TUSC3: variants seen among roughly 807,000 people sequenced by gnomAD.
TUSC3 encodes the protein tumor suppressor candidate 3.
TUSC3 carries 45 observed loss-of-function variants against 44.8 expected under a neutral mutation model. That is an observed-to-expected ratio of 1.00 (90% CI 0.79 to 1.29). TUSC3 has a LOEUF of 1.29. Among genes scored for constraint, TUSC3 ranks in the 50% most tolerant of loss-of-function variants. The pLI is 0.00. For missense variants in TUSC3, 519 were observed against 437.9 expected (o/e 1.19, Z -1.65); for synonymous variants, 212 against 152.9 (o/e 1.39, Z -2.85).
chr8:15,751,161 T>C (rs1380319243), intron 9 of TUSC3, among the ~76,000 whole-genome samples: 2 of 152,144 alleles, frequency 1.3e-5, no homozygotes, highest in African/African-American at 4.8e-5. Flanking sequence ...GTTAGGCAAC[T>C]TTAGATTCAA....
chr8:15,791,977 G>A, the TUSC3 span, among the ~76,000 whole-genome samples: 3 of 152,026 alleles, frequency 2.0e-5, no homozygotes, highest in South Asian at 2.1e-4. Context: ...TTAAAGGAGC[G>A]TTCAAGACAT....
intron 1 of TUSC3, among the ~76,000 whole-genome samples, chr8:15,434,668 C>G (rs1177569019): frequency 1.3e-5 from 2 of 151,756 alleles, no homozygotes; most frequent in Non-Finnish European, 2.9e-5. Flanking sequence ...TCTCCTAATG[C>G]TATCCCTCCC....
chr8:15,454,891 C>T (rs1486146956), intron 1 of TUSC3, among the ~76,000 whole-genome samples: 2 of 150,252 alleles, frequency 1.3e-5, no homozygotes, highest in Admixed American at 6.6e-5. Context: ...TCCAAGTTCA[C>T]GTAAAGTATA....
At chr8:15,548,085 C>G (rs886182695) in intron 1 of TUSC3, among the ~76,000 whole-genome samples, 1 of 151,608 alleles carries the variant, frequency 6.6e-6, no homozygotes, top group African/African-American at 2.4e-5. Context: ...CATGCTGGAA[C>G]TCTGATCTTG....
At chr8:15,712,767 G>A (rs538211019) in intron 6 of TUSC3, among the ~76,000 whole-genome samples, 1 of 152,178 alleles carries the variant, frequency 6.6e-6, no homozygotes, top group African/African-American at 2.4e-5. Flanking sequence ...TTTCTCACCT[G>A]CACACCTTTA....
intron 1 of TUSC3, among the ~76,000 whole-genome samples, chr8:15,589,936 T>G (rs937780271): frequency 3.9e-5 from 6 of 152,216 alleles, no homozygotes; most frequent in African/African-American, 1.4e-4. Flanking sequence ...CAACTTCAGC[T>G]TAACTTAATG....
At chr8:15,814,450 T>C in the TUSC3 span, among the ~76,000 whole-genome samples, 1 of 152,200 alleles carries the variant, frequency 6.6e-6, no homozygotes, top group South Asian at 2.1e-4. Flanking sequence ...CATAGATGCC[T>C]GATTTTAAGC....
intron 1 of TUSC3, among the ~76,000 whole-genome samples, chr8:15,549,844 C>G (rs1053322148): frequency 3.3e-5 from 5 of 151,510 alleles, no homozygotes; most frequent in Non-Finnish European, 7.4e-5. Flanking sequence ...GATGGTGTAG[C>G]AGGACGAGCC....
chr8:15,652,812 A>G (rs1158613325), intron 3 of TUSC3, among the ~76,000 whole-genome samples: 4 of 152,186 alleles, frequency 2.6e-5, no homozygotes, highest in African/African-American at 4.8e-5. Flanking sequence ...CTGCTAGAGC[A>G]CAGTCTTGAG....
chr8:15,633,673 A>C (rs912896264), intron 2 of TUSC3, among the ~76,000 whole-genome samples: 1 of 152,192 alleles, frequency 6.6e-6, no homozygotes, highest in Non-Finnish European at 1.5e-5. Flanking sequence ...AAATGGAATA[A>C]TTTAGCTGGA....
At chr8:15,585,134 G>T (rs966582360) in intron 1 of TUSC3, among the ~76,000 whole-genome samples, 2 of 151,968 alleles carry the variant, frequency 1.3e-5, no homozygotes, top group Non-Finnish European at 1.5e-5. Flanking sequence ...GAAGAGAAGG[G>T]GATAGAGTAA....
rs372030326 is a variant in TUSC3 at position 15,554,741 on chromosome 8, C to A, written c.138+14173C>A. Among the ~76,000 whole-genome samples the A allele has an allele frequency of 7.8e-4, 117 of 150,256 alleles. 5 individuals carry two copies. In the East Asian group the frequency reaches 0.017, roughly 21 times the overall value. Reference sequence around the variant, plus strand: ...CCTCAGCCTCCCGAGTAGCTGGGACCACAGGCGCCCTCACCACGCCCGGCT... The same window carrying A: ...CCTCAGCCTCCCGAGTAGCTGGGACAACAGGCGCCCTCACCACGCCCGGCT... On this transcript the variant is annotated intron_variant, in intron 1 of 10. Coordinates refer to ENST00000503731, the MANE Select transcript of TUSC3 (RefSeq NM_006765.4).
chr8:15,438,831 A>G lies in TUSC3; in HGVS notation n.91+21526A>G, dbSNP rs78547686. On this transcript the variant is annotated intron_variant and non_coding_transcript_variant, in intron 1 of 5. Coordinates refer to the TUSC3 transcript ENST00000503191. The stretch of plus-strand genomic sequence containing the variant: ...AGCAGATATTATCCCCATCTCAAAG[A>G]TGATGAGTGAATATGCAGAGCCCTG... Among the ~76,000 whole-genome samples the G allele has an allele frequency of 8.5e-5, 13 of 152,314 alleles. No individual in the cohort carries two copies. The East Asian group carries it at 2.5e-3, about 29-fold the overall frequency.
At chr8:15,446,612 A>C (rs1300579122) in intron 1 of TUSC3, among the ~76,000 whole-genome samples, 1 of 151,520 alleles carries the variant, frequency 6.6e-6, no homozygotes, top group Non-Finnish European at 1.5e-5. Context: ...CTGCAATCCC[A>C]GGCGCTCGGC....
intron 1 of TUSC3, among the ~76,000 whole-genome samples, chr8:15,443,465 C>G (rs1439134621): frequency 1.3e-5 from 2 of 151,438 alleles, no homozygotes; most frequent in Non-Finnish European, 2.9e-5. Flanking sequence ...TCCCAAAGTG[C>G]TAGGATTACA....
At chr8:15,520,449 C>T (rs1450698994) in intron 2 of TUSC3, among the ~76,000 whole-genome samples, 2 of 152,156 alleles carry the variant, frequency 1.3e-5, no homozygotes, top group Non-Finnish European at 2.9e-5. Flanking sequence ...CAGGGCTTAA[C>T]AGGATTCTAC....
chr8:15,618,690 G>A (rs1312285510), intron 1 of TUSC3, among the ~76,000 whole-genome samples: 2 of 152,168 alleles, frequency 1.3e-5, no homozygotes, highest in African/African-American at 2.4e-5. Flanking sequence ...AAAAAGTATA[G>A]TAAATACATA....
intron 1 of TUSC3, among the ~76,000 whole-genome samples, chr8:15,593,304 T>C (rs767425959): frequency 2.0e-5 from 3 of 152,130 alleles, no homozygotes; most frequent in Non-Finnish European, 2.9e-5. Flanking sequence ...CAGGTTGGTC[T>C]CGAACTCCTG....
intron 1 of TUSC3, among the ~76,000 whole-genome samples, chr8:15,447,999 A>T (rs1404423096): frequency 3.3e-5 from 5 of 151,026 alleles, no homozygotes; most frequent in Non-Finnish European, 7.4e-5. Context: ...CACTAGCAAT[A>T]TTTTAAGTAA....
Sources: allele counts gnomAD v4.1 joint callset (sites outside exome capture counted in the v4.1 genomes callset), GRCh38; gene constraint gnomAD v4.1.1; transcripts MANE v1.5; gene names NCBI Gene and HGNC (gene_info 2026-07-23, HGNC 2026-07-21).